Variants in MMADHC observed in about 807,000 individuals in gnomAD.
MMADHC encodes the protein cobalamin trafficking protein CblD.
A neutral mutation model predicts 36.3 loss-of-function variants in MMADHC; 23 were observed. The ratio of observed to expected loss-of-function variants is 0.63; its 90% confidence interval spans 0.46 to 0.90. MMADHC has a LOEUF of 0.90. Ranked by LOEUF, MMADHC falls within the 40% of genes least tolerant of loss-of-function variation. The pLI is 0.00. For synonymous variants in MMADHC, 97 were observed against 116.1 expected (o/e 0.84, Z 1.06); for missense variants, 330 against 348.0 (o/e 0.95, Z 0.41).
chr2:149,587,417 T>G (rs1321153665), intron 1 of MMADHC: 1 of 470,166 alleles, frequency 2.1e-6, no homozygotes, highest in Non-Finnish European at 3.9e-6. Flanking sequence ...GGGGGCTGGG[T>G]GGCCAAAATT....
At chr2:149,573,419 C>T (rs894394595) in intron 6 of MMADHC, among the ~76,000 whole-genome samples, 15 of 152,304 alleles carry the variant, frequency 9.8e-5, no homozygotes, top group Middle Eastern at 3.4e-3. Context: ...TTTCTCCAGC[C>T]CTTTGCCGCC....
In MMADHC at chr2:149,579,492, G is replaced by C. The variant is rs533388008; in HGVS notation, c.311C>G (p.Ala104Gly). The C allele has an allele frequency of 2.5e-6, 4 of 1,612,776 alleles. No individual in the cohort carries two copies. Among genetic ancestry groups the C allele is most frequent in the Non-Finnish European group, 3.4e-6 (4 of 1,179,968 alleles). ...ATGTCTTTCACTTGATAAAGGTTCT[G>C]CTAGAACATCAGGCAAAGTTTTATG... ...LVHKTLPDVL[A>G]EPLSSERHEF... The change falls in exon 4 of 8, where the codon GCA (alanine) becomes GGA (glycine). Residue 104 changes from alanine (A) to glycine (G), a missense_variant. Ala to Gly is a moderately conservative substitution (Grantham distance 60). Coordinates refer to ENST00000303319, the MANE Select transcript of MMADHC (RefSeq NM_015702.3).
intron 2 of MMADHC, among the ~76,000 whole-genome samples, chr2:149,586,320 C>G (rs1185408033): frequency 1.3e-5 from 2 of 152,206 alleles, no homozygotes; most frequent in African/African-American, 4.8e-5. Context: ...AGCTTACATT[C>G]AGGTTGGCAG....
At chr2:149,581,408 T>C (rs1682791587) in intron 3 of MMADHC, among the ~76,000 whole-genome samples, 1 of 152,118 alleles carries the variant, frequency 6.6e-6, no homozygotes, top group Non-Finnish European at 1.5e-5. Context: ...TAAATTACGT[T>C]GTAAGTAATG....
chr2:149,578,271 T>C (rs1573878028), intron 4 of MMADHC, among the ~76,000 whole-genome samples: 2 of 152,140 alleles, frequency 1.3e-5, no homozygotes, highest in East Asian at 3.9e-4. Flanking sequence ...AGCGATGTGA[T>C]TTTTATATTA....
chr2:149,575,705 A>G lies in MMADHC; in HGVS notation c.609+6T>C, dbSNP rs1682704400. 6.3e-7 allele frequency: 1 copy of G among 1,587,952 alleles called. No individual in the cohort carries two copies. Among genetic ancestry groups the G allele is most frequent in the Admixed American group, 1.8e-5 (1 of 56,780 alleles). ...AAATTAAATTATTAGCAATTGAAAG[A>G]ATTACCTTTTCTAAGAGCACTTCTC... On this transcript the variant is annotated splice_donor_region_variant and intron_variant, in intron 6 of 7. Transcript: ENST00000303319.
rs779171739 is a variant in MMADHC, at chr2:149,582,298, T to C, written c.10-27A>G. Reference sequence around the variant, plus strand: ...TAGAAATGACACAAAATTAAAACTATTTGTTCTGAATATAAATGTTATACT... The same window carrying C: ...TAGAAATGACACAAAATTAAAACTACTTGTTCTGAATATAAATGTTATACT... On this transcript the variant is annotated intron_variant, in intron 2 of 7. Coordinates refer to ENST00000303319, the MANE Select transcript of MMADHC (RefSeq NM_015702.3). The C allele has an allele frequency of 5.6e-6, 9 of 1,611,016 alleles. No individual in the cohort carries two copies. The Middle Eastern group carries it at 6.6e-4, about 118-fold the overall frequency.
intron 3 of MMADHC, among the ~76,000 whole-genome samples, chr2:149,580,257 A>G (rs1176935478): frequency 6.6e-6 from 1 of 152,108 alleles, no homozygotes; most frequent in African/African-American, 2.4e-5. Context: ...CCACTGTGCC[A>G]GGCCCATGTT....
chr2:149,576,261 T>C (rs944231059), intron 5 of MMADHC, among the ~76,000 whole-genome samples, 176 bp downstream of exon 5: 1 of 152,210 alleles, frequency 6.6e-6, no homozygotes, highest in African/African-American at 2.4e-5. Context: ...AATGGCAGCA[T>C]GAGGTCAGAT....
At chr2:149,572,732 A>G (rs1389969236) in intron 6 of MMADHC, among the ~76,000 whole-genome samples, 1 of 152,144 alleles carries the variant, frequency 6.6e-6, no homozygotes, top group East Asian at 1.9e-4. Context: ...AGGGTTTCTT[A>G]GCTAAGGGCT....
chr2:149,587,316 G>C, intron 1 of MMADHC, 167 bp from the exon 2 acceptor site: 2 of 608,670 alleles, frequency 3.3e-6, no homozygotes, highest in South Asian at 3.9e-5. Context: ...GCCAGGCACA[G>C]ATCCCCCAGC....
At chr2:149,587,024 T>A (rs1344476992) in intron 2 of MMADHC, 65 bp downstream of exon 2, 76 of 1,520,892 alleles carry the variant, frequency 5.0e-5, no homozygotes, top group Non-Finnish European at 6.5e-5. Flanking sequence ...ATTAAACCCG[T>A]TCTTTCATTC....
At chr2:149,580,704 A>T (rs1316804630) in intron 3 of MMADHC, among the ~76,000 whole-genome samples, 3 of 152,166 alleles carry the variant, frequency 2.0e-5, no homozygotes, top group East Asian at 3.9e-4. Context: ...ATGAGCCACC[A>T]TATCCCTCTT....
intron 1 of MMADHC, chr2:149,587,435 G>A: frequency 2.4e-6 from 1 of 418,922 alleles, no homozygotes; most frequent in South Asian, 2.9e-5. Flanking sequence ...ATTCAGTCCA[G>A]AGGATCGAAG....
At chr2:149,572,493 T>C (rs973057380) in intron 6 of MMADHC, among the ~76,000 whole-genome samples, 1 of 152,184 alleles carries the variant, frequency 6.6e-6, no homozygotes, top group Non-Finnish European at 1.5e-5. Flanking sequence ...CTATAATCTT[T>C]GAGAGAAGGG....
intron 7 of MMADHC, 27 bp from the exon 8 acceptor site, chr2:149,570,195 CATT>C (rs777220367): frequency 1.4e-5 from 22 of 1,561,738 alleles, no homozygotes; most frequent in Non-Finnish European, 1.9e-5. Flanking sequence ...GAAATATTCT[CATT>C]AGTAAGAAAG....
rs373384350 is a variant in MMADHC at position 149,575,807 on chromosome 2, G to C, written c.513C>G (p.Gly171=). 51 of 1,603,428 alleles carry C rather than the reference G, an allele frequency of 3.2e-5. No homozygotes were observed. The highest frequency in any genetic ancestry group is 3.9e-5 in the Non-Finnish European group (46 of 1,171,806). ...GTGTTACAGTCAGAATCATTAGTTT[G>C]CCATTAGCTACTTCTGGAAACAGTG... The part of the protein sequence containing the change: ...FESLFPEVAN[G]KLMILTVTQK... Residue 171 remains glycine, a synonymous_variant, in exon 6 of 8, where the codon GGC becomes GGG. Transcript: ENST00000303319.
intron 7 of MMADHC, 132 bp downstream of exon 7, chr2:149,570,953 C>G (rs1682629626): frequency 1.4e-6 from 1 of 705,196 alleles, no homozygotes; most frequent in Non-Finnish European, 2.5e-6. Context: ...AACTGACTCA[C>G]AGTAGTATTT....
At chr2:149,579,754 C>T (rs1023792462) in intron 3 of MMADHC, 106 bp from the exon 4 acceptor site, 3 of 983,976 alleles carry the variant, frequency 3.0e-6, no homozygotes, top group Admixed American at 2.6e-5. Context: ...TCTAAAAGAT[C>T]TTCAAAATCT....
Sources: gnomAD v4.1 joint callset for allele counts (sites outside exome capture counted in the v4.1 genomes callset) on GRCh38, gnomAD v4.1.1 for gene constraint, MANE v1.5 for transcripts, NCBI Gene and HGNC (gene_info 2026-07-23, HGNC 2026-07-21) for gene names.